Variants in IPO7 observed in about 807,000 individuals in gnomAD.
IPO7 encodes importin 7.
Under a neutral mutation model 136.4 loss-of-function variants are expected in IPO7, and 13 were observed. The ratio of observed to expected loss-of-function variants is 0.10; its 90% CI spans 0.06 to 0.15. IPO7 has a LOEUF of 0.15. Ranked by LOEUF, IPO7 falls within the 10% of genes least tolerant of loss-of-function variation. IPO7 has a pLI of 1.00. For missense variants in IPO7, 857 were observed against 1,240.6 expected (o/e 0.69, Z 4.65); for synonymous variants, 403 against 404.4 (o/e 1.00, Z 0.04).
rs776723625 is a variant in IPO7 at position 9,424,943 on chromosome 11, A to G, written c.1171A>G (p.Thr391Ala). 12 of 1,590,770 alleles carry G rather than the reference A, an allele frequency of 7.5e-6. No individual in the cohort carries two copies. The highest frequency in any genetic ancestry group is 1.7e-4 in the Middle Eastern group (1 of 5,822). ...GTTTGAAGATTTCATTTCTCCTACC[A>G]CTGCTGCCCAGACACTTTTGTTTAC... The part of the protein sequence containing the change: ...DVFEDFISPT[T>A]AAQTLLFTAC... Residue 391 changes from threonine (T) to alanine (A), a missense_variant, in exon 11 of 25, where the codon ACT (threonine) becomes GCT (alanine). This residue lies in a region of IPO7 where 127 missense variants were observed against 222.4 expected (regional missense o/e 0.57). Transcript: ENST00000379719.
intron 24 of IPO7, among the ~76,000 whole-genome samples, chr11:9,443,670 A>G (rs1160467653): frequency 6.6e-6 from 1 of 151,708 alleles, no homozygotes; most frequent in African/African-American, 2.4e-5. Context: ...TGGGAGGCCA[A>G]GACAGGAGGG....
In IPO7 at chr11:9,389,463, G is replaced by A. The variant is rs369300325; in HGVS notation, c.84+4616G>A. Among the ~76,000 whole-genome samples, 15 of 152,334 alleles carry A rather than the reference G, an allele frequency of 9.8e-5. No homozygotes were observed. In the South Asian group the frequency reaches 2.9e-3, roughly 29 times the overall value. On this transcript the variant is annotated intron_variant, in intron 1 of 24. Transcript: ENST00000379719. ...TGTGTGCTAGGCACTGAGCTAAGTAGTTAGATGCAGAGAAATTTATGATCA... is the reference window on the plus strand; with the variant it reads ...TGTGTGCTAGGCACTGAGCTAAGTAATTAGATGCAGAGAAATTTATGATCA...
At position 9,414,238 on chromosome 11, in the gene IPO7, T is replaced by C; in HGVS notation, c.480-17T>C. 3 of 1,582,916 alleles carry C rather than the reference T, an allele frequency of 1.9e-6. No homozygotes were observed. The highest frequency in any genetic ancestry group is 2.6e-6 in the Non-Finnish European group (3 of 1,163,620). ...GAAATAAATTCTTACAGAATTAGTT[T>C]GTATTCCTACTCAAAGGTATAAAAA... On this transcript the variant is annotated splice_polypyrimidine_tract_variant and intron_variant, in intron 4 of 24. Coordinates refer to ENST00000379719, the MANE Select transcript of IPO7 (RefSeq NM_006391.3).
At chr11:9,421,965 A>G (rs918287929) in intron 8 of IPO7, among the ~76,000 whole-genome samples, 2 of 151,082 alleles carry the variant, frequency 1.3e-5, no homozygotes, top group Non-Finnish European at 3.0e-5. Context: ...AACTTGTTCT[A>G]TAAGAATATG....
At chr11:9,442,408 TTTTGTTTG>T (rs879419914) in intron 24 of IPO7, among the ~76,000 whole-genome samples, 2 of 152,102 alleles carry the variant, frequency 1.3e-5, no homozygotes, top group South Asian at 2.1e-4. Flanking sequence ...TTTCGTTTTT[TTTTGTTTG>T]TTTGTTTGTT....
chr11:9,445,013 TA>T (rs1435570011), intron 24 of IPO7, 83 bp from the exon 25 acceptor site: 1 of 844,722 alleles, frequency 1.2e-6, no homozygotes, highest in Non-Finnish European at 2.0e-6. Flanking sequence ...ATGGTTAAGC[TA>T]CTGGCTTGTT....
intron 5 of IPO7, among the ~76,000 whole-genome samples, chr11:9,415,846 A>C (rs1564997426): frequency 6.6e-6 from 1 of 152,088 alleles, no homozygotes; most frequent in Non-Finnish European, 1.5e-5. Flanking sequence ...CCAAAAAAAA[A>C]GAAAAAAAGA....
intron 2 of IPO7, among the ~76,000 whole-genome samples, chr11:9,407,509 C>T (rs1257637455): frequency 6.6e-6 from 1 of 152,052 alleles, no homozygotes; most frequent in East Asian, 1.9e-4. Flanking sequence ...GAGCCGAGAT[C>T]GCACCACTGC....
chr11:9,445,834 A>G lies in IPO7; in HGVS notation c.*640A>G, dbSNP rs1855519844. ...TTGAAACAAGCCTGCTAGCCTATGT[A>G]TAAAATAGCAAAATGTTTGCTGTTT... On this transcript the variant is annotated 3_prime_UTR_variant, in exon 25 of 25. Transcript: ENST00000379719. The G allele has an allele frequency of 6.6e-6, 1 of 151,548 alleles. No individual in the cohort carries two copies. Among genetic ancestry groups the G allele is most frequent in the Admixed American group, 6.6e-5 (1 of 15,202 alleles). 9.4% of individuals were successfully genotyped at this position (151,548 alleles called of 1,614,324 possible).
At chr11:9,388,397 C>T (rs1426554851) in intron 1 of IPO7, among the ~76,000 whole-genome samples, 1 of 151,680 alleles carries the variant, frequency 6.6e-6, no homozygotes, top group Admixed American at 6.6e-5. Context: ...GGCTGGTCTC[C>T]AACTCCTGAC....
intron 1 of IPO7, among the ~76,000 whole-genome samples, chr11:9,397,341 A>AAAAAAATATATATATAT: frequency 2.1e-3 from 23 of 10,756 alleles, no homozygotes; most frequent in Admixed American, 8.4e-3. Flanking sequence ...TTTAAAAAAA[A>AAAAAAATATATATATAT]ATATATATAT....
In IPO7 at chr11:9,434,974, A is replaced by G. The variant is rs1240630148; in HGVS notation, c.2115A>G (p.Thr705=). 1.2e-6 allele frequency: 2 copies of G among 1,608,720 alleles called. No individual in the cohort carries two copies. The highest frequency in any genetic ancestry group is 1.7e-6 in the Non-Finnish European group (2 of 1,175,348). ...PLLHNYVTVD[T]DTLLSDTKYL... ...TTCATAATTATGTAACAGTTGATAC[A>G]GACACACTTCTGTCTGACACCAAGT... The change falls in exon 19 of 25, where the codon ACA becomes ACG. Residue 705 remains threonine, a synonymous_variant. Transcript: ENST00000379719.
Position 9,384,746 on chromosome 11 carries a change from G to C in IPO7, c.-18G>C, listed in dbSNP as rs1416569799. 1 of 1,582,940 alleles carries C rather than the reference G, an allele frequency of 6.3e-7. No individual in the cohort carries two copies. The highest frequency in any genetic ancestry group is 8.6e-7 in the Non-Finnish European group (1 of 1,163,988). ...CCAGTAGCACCCGAGCCCCGGGTTT[G>C]ACCGAGTCCGCGCTGCGATGGACCC... On this transcript the variant is annotated 5_prime_UTR_variant, in exon 1 of 25. The change abolishes the stop of an existing upstream ORF in the 5' untranslated region. Transcript: ENST00000379719.
At chr11:9,397,333 T>TAAAAAA (rs1238499611) in intron 1 of IPO7, among the ~76,000 whole-genome samples, 4 of 52,906 alleles carry the variant, frequency 7.6e-5, no homozygotes, top group African/African-American at 1.6e-4. Flanking sequence ...AAAAATAATT[T>TAAAAAA]AAAAAAAAAT....
At chr11:9,397,341 A>AAAAAATATATATATATATAT in intron 1 of IPO7, among the ~76,000 whole-genome samples, 8 of 10,760 alleles carry the variant, frequency 7.4e-4, no homozygotes, top group Admixed American at 2.1e-3. Flanking sequence ...TTTAAAAAAA[A>AAAAAATATATATATATATAT]ATATATATAT....
At chr11:9,407,639 T>G (rs186976298) in intron 2 of IPO7, among the ~76,000 whole-genome samples, 12 of 152,332 alleles carry the variant, frequency 7.9e-5, no homozygotes. Context: ...ATTCCTAAAT[T>G]AAAGCAAACT....
At chr11:9,402,913 C>T (rs993060524) in intron 1 of IPO7, 10 of 223,826 alleles carry the variant, frequency 4.5e-5, no homozygotes, top group Admixed American at 6.0e-5. Flanking sequence ...CTCAGCTACC[C>T]GGGAGGCTGA....
intron 1 of IPO7, among the ~76,000 whole-genome samples, chr11:9,399,962 TGG>T (rs879937618): frequency 1.3e-5 from 2 of 152,120 alleles, no homozygotes; most frequent in African/African-American, 4.8e-5. Context: ...ACTTTTCCCT[TGG>T]TAACTGAGGG....
intron 12 of IPO7, among the ~76,000 whole-genome samples, chr11:9,425,801 C>T (rs1308211875): frequency 6.6e-6 from 1 of 151,858 alleles, no homozygotes; most frequent in African/African-American, 2.4e-5. Context: ...ATGGCTTGAA[C>T]CCGGGACGTG....
Sources: gnomAD v4.1 joint callset for allele counts (sites outside exome capture counted in the v4.1 genomes callset) on GRCh38, gnomAD v4.1.1 for gene constraint, gnomAD v4.1.1 regional missense constraint, MANE v1.5 for transcripts, NCBI Gene and HGNC (gene_info 2026-07-23, HGNC 2026-07-21) for gene names.